Variants in WNK1 observed in about 807,000 individuals in gnomAD.
The protein encoded by WNK1 is serine/threonine-protein kinase WNK1.
Under a neutral mutation model 222.8 loss-of-function variants are expected in WNK1, and 38 were observed. That is an observed-to-expected ratio of 0.17 (90% CI 0.13 to 0.22). WNK1 has a LOEUF of 0.22. Ranked by LOEUF, WNK1 falls within the 10% of genes least tolerant of loss-of-function variation. The pLI is 1.00. For synonymous variants in WNK1, 1,090 were observed against 1,092.9 expected (o/e 1.00, Z 0.05); for missense variants, 2,348 against 2,918.4 (o/e 0.80, Z 4.50).
chr12:899,337 G>A lies in WNK1; in HGVS notation c.6449-1139G>A, dbSNP rs12303640. Among the ~76,000 whole-genome samples, 1,167 of 139,662 alleles carry A rather than the reference G, an allele frequency of 8.4e-3. 12 individuals are homozygous for A. Among genetic ancestry groups the A allele is most frequent in the African/African-American group, 0.029 (1,106 of 37,664 alleles). The allele number at this position is 139,662 out of a possible 152,430, so 91.6% of individuals were successfully genotyped here. On this transcript the variant is annotated intron_variant, in intron 25 of 27. Transcript: ENST00000315939. The stretch of plus-strand genomic sequence containing the variant: ...GTTTTTGTTTTTTTGAGGCAGAGTC[G>A]GCAGTGGCTCAACCTCCAACTCCCA...
At chr12:792,957 T>C (rs961541444) in intron 1 of WNK1, among the ~76,000 whole-genome samples, 2 of 152,164 alleles carry the variant, frequency 1.3e-5, no homozygotes, top group Non-Finnish European at 2.9e-5. Flanking sequence ...GTTTTCTTCA[T>C]GTGTAAAATG....
At chr12:866,421 G>A (rs1034416818) in intron 8 of WNK1, among the ~76,000 whole-genome samples, 3 of 152,168 alleles carry the variant, frequency 2.0e-5, no homozygotes, top group African/African-American at 7.2e-5. Flanking sequence ...GGAGTGCAGT[G>A]GCACGATCTC....
chr12:851,855 A>G, intron 4 of WNK1: 1 of 1,167,612 alleles, frequency 8.6e-7, no homozygotes, highest in East Asian at 5.6e-5. Context: ...GAAAGTTTCC[A>G]ATATTGAAAT....
intron 26 of WNK1, among the ~76,000 whole-genome samples, chr12:905,651 T>C (rs745542884): frequency 2.6e-5 from 4 of 152,222 alleles, no homozygotes; most frequent in African/African-American, 4.8e-5. Flanking sequence ...GCATGTGATA[T>C]GCTTGCTTTC....
chr12:855,935 G>A (rs1009066011), intron 4 of WNK1, among the ~76,000 whole-genome samples: 3 of 151,930 alleles, frequency 2.0e-5, no homozygotes, highest in Non-Finnish European at 2.9e-5. Context: ...TGCCTCCCGG[G>A]TTCAAGAGAT....
intron 1 of WNK1, among the ~76,000 whole-genome samples, chr12:762,096 G>C (rs985947359): frequency 7.4e-6 from 1 of 134,952 alleles, no homozygotes; most frequent in Non-Finnish European, 1.6e-5. Flanking sequence ...GTCTTGCTCT[G>C]TTGCCCAGGC....
rs72649857 is a variant in WNK1 at position 869,068 on chromosome 12, C to T, written c.2140-2197C>T. 29 of 1,613,846 alleles carry T rather than the reference C, an allele frequency of 1.8e-5. No individual in the cohort carries two copies. Among genetic ancestry groups the T allele is most frequent in the Non-Finnish European group, 2.4e-5 (28 of 1,179,882 alleles). ...CCACATCTCAGCAGGTCTTAACTGC[C>T]TCATTTTCTTCAGGAGGATCTGCAC... On this transcript the variant is annotated intron_variant, in intron 8 of 27. Transcript: ENST00000315939.
chr12:895,884 C>T (rs1048061485), intron 23 of WNK1, among the ~76,000 whole-genome samples, 187 bp from the exon 24 acceptor site: 3 of 152,136 alleles, frequency 2.0e-5, no homozygotes, highest in African/African-American at 7.2e-5. Flanking sequence ...ATCTCAGTAC[C>T]CATGTGTTCT....
intron 8 of WNK1, among the ~76,000 whole-genome samples, chr12:866,797 T>C (rs1053229503): frequency 2.0e-5 from 3 of 152,224 alleles, no homozygotes; most frequent in African/African-American, 7.2e-5. Flanking sequence ...CCCTTTTCAG[T>C]TGATTAGAAC....
Position 827,530 on chromosome 12 carries a change from T to C in WNK1, c.1153+268T>C, listed in dbSNP as rs1020876226. 18 of 523,130 alleles carry C rather than the reference T, an allele frequency of 3.4e-5. No individual in the cohort carries two copies. Among genetic ancestry groups the C allele is most frequent in the Non-Finnish European group, 5.4e-5 (16 of 293,942 alleles). 32.4% of individuals were successfully genotyped at this position (523,130 alleles called of 1,614,324 possible). The stretch of plus-strand genomic sequence containing the variant: ...AATGTAATAGCCTTTTTTGTTGTTG[T>C]TGTTGTTGTTGTTGTTGAGATGGAG... On this transcript the variant is annotated intron_variant, in intron 3 of 27. Coordinates refer to ENST00000315939, the MANE Select transcript of WNK1 (RefSeq NM_018979.4). This position sits in a 1 kb window ranked among gnomAD's most constrained non-coding sequence, Gnocchi z 4.6.
rs979285081 is a variant in WNK1, at chr12:865,220, C to T, written c.2139+2950C>T. 1.3e-6 allele frequency: 2 copies of T among 1,535,976 alleles called. No homozygotes were observed. The highest frequency in any genetic ancestry group is 1.4e-5 in the African/African-American group (1 of 73,006). ...ACCCCACCGCCAGTACTGTCTGCAC[C>T]TCTTTCTCCTTCCCTCCTCCGGACT... On this transcript the variant is annotated intron_variant, in intron 8 of 27. Coordinates refer to ENST00000315939, the MANE Select transcript of WNK1 (RefSeq NM_018979.4).
chr12:767,275 CAG>C (rs1941871013), intron 1 of WNK1, among the ~76,000 whole-genome samples: 1 of 92,022 alleles, frequency 1.1e-5, no homozygotes, highest in Non-Finnish European at 1.9e-5. Flanking sequence ...TTTTTGGAGA[CAG>C]AGTCTTGCTC....
At chr12:908,430 A>G in intron 27 of WNK1, 45 bp from the exon 28 acceptor site, 2 of 1,591,646 alleles carry the variant, frequency 1.3e-6, no homozygotes, top group Non-Finnish European at 1.7e-6. Flanking sequence ...CACATTTTAT[A>G]CCATGGCCCA....
intron 4 of WNK1, among the ~76,000 whole-genome samples, chr12:847,666 T>C (rs2154051667): frequency 6.6e-6 from 1 of 152,226 alleles, no homozygotes; most frequent in African/African-American, 2.4e-5. Context: ...ATTCGGCCCG[T>C]ACTTAACTGG....
At chr12:804,587 G>C (rs1591778706) in intron 1 of WNK1, among the ~76,000 whole-genome samples, 1 of 152,036 alleles carries the variant, frequency 6.6e-6, no homozygotes, top group Non-Finnish European at 1.5e-5. Context: ...TGACCATGCT[G>C]GTCTCAAACT....
intron 1 of WNK1, among the ~76,000 whole-genome samples, chr12:772,610 TATATAAAAA>T (rs969632138): frequency 3.9e-5 from 6 of 152,176 alleles, no homozygotes; most frequent in African/African-American, 1.4e-4. Flanking sequence ...TTTGAAGTTA[TATATAAAAA>T]ACACTTGAAT....
Position 884,504 on chromosome 12 carries a change from T to G in WNK1, c.3845-145T>G. On this transcript the variant is annotated intron_variant, in intron 18 of 27. Transcript: ENST00000315939. The surrounding 1 kb of genome is among the most constrained non-coding windows in gnomAD (Gnocchi z 5.6). ...TGTAGTATGTGTTTATTTCTGCACT[T>G]AGTACTGTTGTCTATGTTTTAAGAT... is the stretch of plus-strand genomic sequence containing the variant. The G allele has an allele frequency of 1.1e-6, 1 of 944,916 alleles. No homozygotes were observed. The highest frequency in any genetic ancestry group is 1.6e-6 in the Non-Finnish European group (1 of 619,906). 58.5% of individuals were successfully genotyped at this position (944,916 alleles called of 1,614,324 possible).
At chr12:902,769 A>T (rs779344760) in intron 26 of WNK1, among the ~76,000 whole-genome samples, 1 of 152,364 alleles carries the variant, frequency 6.6e-6, no homozygotes, top group Middle Eastern at 3.4e-3. Context: ...GTAGCGCTTG[A>T]AAAGCACTCA....
At chr12:784,240 A>T (rs1405698586) in intron 1 of WNK1, among the ~76,000 whole-genome samples, 1 of 152,076 alleles carries the variant, frequency 6.6e-6, no homozygotes, top group Non-Finnish European at 1.5e-5. Flanking sequence ...ATTGTATTTT[A>T]TTTATTTTAT....
Sources: gnomAD v4.1 joint callset for allele counts (sites outside exome capture counted in the v4.1 genomes callset) on GRCh38, gnomAD v4.1.1 for gene constraint, Gnocchi (gnomAD v3.1) non-coding constraint, MANE v1.5 for transcripts, NCBI Gene and HGNC (gene_info 2026-07-23, HGNC 2026-07-21) for gene names.